The following TMEM123 variants were observed in gnomAD, a reference collection of about 807,000 sequenced individuals.
The protein encoded by TMEM123 is porimin.
In TMEM123, 16 loss-of-function variants were observed where a neutral mutation model predicts 19.7. That is an observed-to-expected ratio of 0.81 (90% CI 0.55 to 1.23). The LOEUF (loss-of-function observed/expected upper bound fraction) is 1.23. Among genes scored for constraint, TMEM123 ranks in the 50% most tolerant of loss-of-function variants. The probability of loss-of-function intolerance (pLI) is 0.00; values close to 1 mark genes in which losing one functional copy is unlikely to be tolerated. For missense variants in TMEM123, 313 were observed against 257.8 expected (o/e 1.21, Z -1.47); for synonymous variants, 118 against 99.4 (o/e 1.19, Z -1.12).
chr11:102,446,220 A>G (rs1305678330), intron 2 of TMEM123, among the ~76,000 whole-genome samples: 2 of 152,230 alleles, frequency 1.3e-5, no homozygotes, highest in African/African-American at 4.8e-5. Flanking sequence ...CTTGCACTAT[A>G]AAGTGTAAAT....
intron 2 of TMEM123, among the ~76,000 whole-genome samples, chr11:102,432,470 C>T (rs918936040): frequency 3.3e-5 from 5 of 152,232 alleles, no homozygotes; most frequent in South Asian, 2.1e-4. Flanking sequence ...AACTAGAACT[C>T]GAGAGACACG....
intron 2 of TMEM123, among the ~76,000 whole-genome samples, chr11:102,438,292 T>A (rs1857786785): frequency 6.6e-6 from 1 of 152,164 alleles, no homozygotes; most frequent in East Asian, 1.9e-4. Context: ...CCTCAAGTGA[T>A]CTGCTCCCCT....
In TMEM123 at chr11:102,409,375, A is replaced by G. The variant is rs74986749; in HGVS notation, c.158-7169T>C. Among the ~76,000 whole-genome samples the G allele has an allele frequency of 7.5e-3, 1,141 of 152,264 alleles. 18 individuals are homozygous for G. Among genetic ancestry groups the G allele is most frequent in the African/African-American group, 0.026 (1,085 of 41,534 alleles). On this transcript the variant is annotated intron_variant, in intron 2 of 4. Coordinates refer to ENST00000398136, the MANE Select transcript of TMEM123 (RefSeq NM_052932.3). ...TGAAAACCTTGAGAATCTCTTTCCT[A>G]TAGAATTTACAACCTTACCCCATCA... is the stretch of plus-strand genomic sequence containing the variant.
chr11:102,434,876 TTGTC>T (rs1459751863), intron 2 of TMEM123, among the ~76,000 whole-genome samples: 2 of 151,958 alleles, frequency 1.3e-5, no homozygotes, highest in African/African-American at 4.8e-5. Flanking sequence ...TCTTGCACTT[TTGTC>T]TGAAATCAAC....
At chr11:102,407,250 A>C (rs982135776) in intron 2 of TMEM123, among the ~76,000 whole-genome samples, 1 of 152,256 alleles carries the variant, frequency 6.6e-6, no homozygotes, top group African/African-American at 2.4e-5. Context: ...CTGGGCTGGC[A>C]GAAGGGACAA....
intron 2 of TMEM123, among the ~76,000 whole-genome samples, chr11:102,409,395 C>G (rs899086679): frequency 1.6e-4 from 25 of 152,158 alleles, no homozygotes; most frequent in African/African-American, 5.3e-4. Context: ...CAACCTTACC[C>G]CATCAACTAA....
chr11:102,432,204 T>A (rs1430289461), intron 2 of TMEM123, among the ~76,000 whole-genome samples: 1 of 152,044 alleles, frequency 6.6e-6, no homozygotes, highest in Non-Finnish European at 1.5e-5. Flanking sequence ...GACAGGGAAA[T>A]GTGGGAAAGT....
chr11:102,448,933 GT>G, intron 1 of TMEM123, 65 bp from the exon 2 acceptor site: 1 of 1,524,378 alleles, frequency 6.6e-7, no homozygotes, highest in Non-Finnish European at 9.1e-7. Flanking sequence ...GCAGTATGTG[GT>G]TTTCTGCCTA....
chr11:102,423,546 A>G (rs1952103029), intron 2 of TMEM123, among the ~76,000 whole-genome samples: 1 of 152,238 alleles, frequency 6.6e-6, no homozygotes. Flanking sequence ...CTCTATCCCC[A>G]GTTAAGCCTT....
chr11:102,403,161 C>T (rs1951927542), intron 2 of TMEM123, among the ~76,000 whole-genome samples: 1 of 152,110 alleles, frequency 6.6e-6, no homozygotes. Context: ...CAGGTGCCTG[C>T]TACCATGCTG....
In TMEM123 at chr11:102,402,092, G is replaced by T. The variant is rs1951918808; in HGVS notation, c.272C>A (p.Pro91His). ...SSNTTVTTMKPTAASNTTTPG... is the reference protein window; with the variant it reads ...SSNTTVTTMKHTAASNTTTPG... ...TGTTGTTGTATTAGATGCCGCTGTA[G>T]GTTTCATGGTGGTGACCGTTGTATT... Residue 91 changes from proline (P) to histidine (H), a missense_variant, in exon 3 of 5, where the codon CCT becomes CAT. By Grantham distance (77) the Pro-to-His change is moderately conservative. Transcript: ENST00000398136. 6.2e-7 allele frequency: 1 copy of T among 1,614,152 alleles called. No individual in the cohort carries two copies. Among genetic ancestry groups the T allele is most frequent in the Non-Finnish European group, 8.5e-7 (1 of 1,180,024 alleles).
At chr11:102,443,338 C>A (rs1857846888) in intron 2 of TMEM123, among the ~76,000 whole-genome samples, 1 of 152,128 alleles carries the variant, frequency 6.6e-6, no homozygotes, top group African/African-American at 2.4e-5. Context: ...TGTACTGGTA[C>A]CAAACAGAGA....
chr11:102,446,411 AC>A (rs1857883880), intron 2 of TMEM123, among the ~76,000 whole-genome samples: 1 of 152,256 alleles, frequency 6.6e-6, no homozygotes, highest in African/African-American at 2.4e-5. Flanking sequence ...ACTCAGTGGT[AC>A]ATTGGAAAGC....
At chr11:102,431,461 A>AC (rs1200801130) in intron 2 of TMEM123, among the ~76,000 whole-genome samples, 1 of 152,196 alleles carries the variant, frequency 6.6e-6, no homozygotes, top group East Asian at 1.9e-4. Flanking sequence ...AACTATATTC[A>AC]CTATGCTGTG....
At chr11:102,430,999 C>T (rs921764151) in intron 2 of TMEM123, among the ~76,000 whole-genome samples, 2 of 152,156 alleles carry the variant, frequency 1.3e-5, no homozygotes, top group Non-Finnish European at 2.9e-5. Context: ...TCTTACTGAA[C>T]AGTCAGGTAA....
In TMEM123 at chr11:102,404,549, G is replaced by A. The variant is rs533234087; in HGVS notation, c.158-2343C>T. Among the ~76,000 whole-genome samples, 12 of 152,024 alleles carry A rather than the reference G, an allele frequency of 7.9e-5. No individual in the cohort carries two copies. The South Asian group carries it at 2.3e-3, about 29-fold the overall frequency. On this transcript the variant is annotated intron_variant, in intron 2 of 4. Transcript: ENST00000398136. ...TCCGCCCACCTCAGCCTCTCAAAGT[G>A]CTAGTACTACAGGTGTGAGCCCCTG... is the stretch of plus-strand genomic sequence containing the variant.
chr11:102,420,295 T>C lies in TMEM123; in HGVS notation c.158-18089A>G, dbSNP rs187237980. 5.3e-5 allele frequency among the ~76,000 whole-genome samples: 8 copies of C among 152,320 alleles called. No homozygotes were observed. In the East Asian group the frequency reaches 1.5e-3, roughly 29 times the overall value. On this transcript the variant is annotated intron_variant, in intron 2 of 4. Coordinates refer to ENST00000398136, the MANE Select transcript of TMEM123 (RefSeq NM_052932.3). ...TCCTCACTATTCTTATCAGTTTGTATTACTAACGTGACTAAGAGAACAGCA... is the reference window on the plus strand; with the variant it reads ...TCCTCACTATTCTTATCAGTTTGTACTACTAACGTGACTAAGAGAACAGCA...
chr11:102,416,306 TC>T (rs1199928083), intron 2 of TMEM123, among the ~76,000 whole-genome samples: 1 of 151,822 alleles, frequency 6.6e-6, no homozygotes, highest in African/African-American at 2.4e-5. Context: ...ATAAACACAA[TC>T]AGAAATGATA....
intron 2 of TMEM123, among the ~76,000 whole-genome samples, chr11:102,446,815 C>G (rs1002621451): frequency 1.3e-5 from 2 of 152,212 alleles, no homozygotes; most frequent in African/African-American, 4.8e-5. Flanking sequence ...CTTTTTCCAA[C>G]AGTACATTCC....
Sources: allele counts gnomAD v4.1 joint callset (sites outside exome capture counted in the v4.1 genomes callset), GRCh38; gene constraint gnomAD v4.1.1; transcripts MANE v1.5; gene names NCBI Gene and HGNC (gene_info 2026-07-23, HGNC 2026-07-21).